ALDH3B1: variants seen among roughly 807,000 people sequenced by gnomAD.
The protein encoded by ALDH3B1 is aldehyde dehydrogenase family 3 member B1.
Under a neutral mutation model 46.2 loss-of-function variants are expected in ALDH3B1, and 37 were observed. That is an observed-to-expected ratio of 0.80 (90% CI 0.62 to 1.05). The LOEUF (loss-of-function observed/expected upper bound fraction) is 1.05. Ranked by LOEUF, ALDH3B1 falls within the 50% of genes least tolerant of loss-of-function variation. The pLI, the probability that ALDH3B1 is intolerant of heterozygous loss-of-function variation, is 0.00. For synonymous variants in ALDH3B1, 283 were observed against 281.0 expected (o/e 1.01, Z -0.07); for missense variants, 603 against 665.5 (o/e 0.91, Z 1.03).
chr11:68,023,843 A>G (rs1198180858), intron 8 of ALDH3B1, among the ~76,000 whole-genome samples: 1 of 151,818 alleles, frequency 6.6e-6, no homozygotes, highest in African/African-American at 2.4e-5. Context: ...TGAGTTTGAG[A>G]CCAGCGCTGG....
At chr11:68,021,426 G>A in intron 6 of ALDH3B1, 59 bp from the exon 7 acceptor site, 1 of 1,562,714 alleles carries the variant, frequency 6.4e-7, no homozygotes, top group Non-Finnish European at 8.7e-7. Flanking sequence ...GCCGTGGGCT[G>A]GGCCATCCCG....
At chr11:68,011,767 C>T (rs2134378061) in intron 1 of ALDH3B1, among the ~76,000 whole-genome samples, 1 of 152,304 alleles carries the variant, frequency 6.6e-6, no homozygotes, top group South Asian at 2.1e-4. Context: ...CAACACCCAC[C>T]TTGGATCAAG....
intron 2 of ALDH3B1, 138 bp from the exon 3 acceptor site, chr11:68,018,389 G>T: frequency 1.4e-6 from 1 of 738,432 alleles, no homozygotes. Context: ...AGCACGCACT[G>T]AACATGGAGT....
chr11:68,028,066 C>A lies in ALDH3B1; in HGVS notation c.*127C>A, dbSNP rs1373592783. On this transcript the variant is annotated 3_prime_UTR_variant, in exon 10 of 10. Transcript: ENST00000342456. The stretch of plus-strand genomic sequence containing the variant: ...CAAGGCTCCAGGGCACCCCTCAAAG[C>A]AGCGCCTGCCTCCTCCCTCCTGGGT... 1 of 1,225,160 alleles carries A rather than the reference C, an allele frequency of 8.2e-7. No homozygotes were observed. The highest frequency in any genetic ancestry group is 1.2e-6 in the Non-Finnish European group (1 of 840,236). The allele number at this position is 1,225,160 out of a possible 1,614,324, so 75.9% of individuals were successfully genotyped here.
At chr11:68,022,512 G>A (rs1857523823) in intron 7 of ALDH3B1, 83 bp from the exon 8 acceptor site, 1 of 1,514,436 alleles carries the variant, frequency 6.6e-7, no homozygotes, top group Non-Finnish European at 8.8e-7. Context: ...GCCCTGGCCT[G>A]TGGCCCTGTC....
In ALDH3B1 at chr11:68,018,878, G is replaced by C; in HGVS notation, c.379G>C (p.Gly127Arg). ...GAACCTGACGCTGGTGCCCCTCGTGGGAGCCCTCGCTGCAGGTGAGAGCTG... is the reference window on the plus strand; with the variant it reads ...GAACCTGACGCTGGTGCCCCTCGTGCGAGCCCTCGCTGCAGGTGAGAGCTG... ...PLNLTLVPLV[G>R]ALAAGNCVVL... Residue 127 changes from glycine to arginine, a missense_variant, in exon 4 of 10, where the codon GGA becomes CGA. Coordinates refer to ENST00000342456, the MANE Select transcript of ALDH3B1 (RefSeq NM_000694.4). 2 of 1,557,436 alleles carry C rather than the reference G, an allele frequency of 1.3e-6. No individual in the cohort carries two copies. Among genetic ancestry groups the C allele is most frequent in the South Asian group, 2.4e-5 (2 of 84,314 alleles).
rs907220593 is a variant in ALDH3B1 at position 68,029,249 on chromosome 11, A to G, written c.*1310A>G. ...GTCTCCTGTCTCTCTGGCTGATGTC[A>G]CCTGAATAAAGCCTTCTTCCCTGGC... On this transcript the variant is annotated 3_prime_UTR_variant, in exon 10 of 10. Coordinates refer to ENST00000342456, the MANE Select transcript of ALDH3B1 (RefSeq NM_000694.4). 1 of 152,084 alleles carries G rather than the reference A, an allele frequency of 6.6e-6. No homozygotes were observed. The highest frequency in any genetic ancestry group is 2.4e-5 in the African/African-American group (1 of 41,356). 9.4% of individuals were successfully genotyped at this position (152,084 alleles called of 1,614,324 possible). A position where few individuals can be genotyped will look rare whatever the true frequency, so the allele number is the denominator to read the frequency against.
intron 1 of ALDH3B1, among the ~76,000 whole-genome samples, chr11:68,012,392 G>A (rs1857252435): frequency 1.3e-5 from 2 of 152,150 alleles, no homozygotes; most frequent in South Asian, 4.1e-4. Context: ...TCCTGCCCTG[G>A]CCCCCAGGCC....
intron 1 of ALDH3B1, among the ~76,000 whole-genome samples, chr11:68,013,513 G>A (rs558545836): frequency 4.5e-4 from 68 of 152,336 alleles, no homozygotes; most frequent in Non-Finnish European, 7.8e-4. Flanking sequence ...AGGAGAGTGC[G>A]GAGTTGAGGG....
chr11:68,023,854 C>A (rs2076400111), intron 8 of ALDH3B1, among the ~76,000 whole-genome samples: 1 of 151,188 alleles, frequency 6.6e-6, no homozygotes, highest in African/African-American at 2.4e-5. Context: ...CCAGCGCTGG[C>A]AATATAGCAA....
At chr11:68,019,057 C>A in intron 4 of ALDH3B1, 113 bp from the exon 5 acceptor site, 2 of 1,459,196 alleles carry the variant, frequency 1.4e-6, no homozygotes, top group Non-Finnish European at 1.8e-6. Flanking sequence ...TGTTACCTCT[C>A]TGAACCAGGT....
At chr11:68,015,652 G>A (rs1209281278) in intron 2 of ALDH3B1, 193 bp downstream of exon 2, 2 of 776,736 alleles carry the variant, frequency 2.6e-6, no homozygotes, top group Admixed American at 4.0e-5. Context: ...ACTATTTGCT[G>A]AGCACCTACT....
chr11:68,012,747 G>T (rs970630005), intron 1 of ALDH3B1, among the ~76,000 whole-genome samples: 3 of 152,372 alleles, frequency 2.0e-5, no homozygotes, highest in Middle Eastern at 3.4e-3. Context: ...CCCCAGCCCA[G>T]TGTCCCTTCC....
At position 68,018,591 on chromosome 11, in the gene ALDH3B1, G is replaced by C. The variant is rs529954694; in HGVS notation, c.227G>C (p.Arg76Thr). The change falls in exon 3 of 10, where the codon AGG (arginine) becomes ACG (threonine). Residue 76 changes from arginine to threonine, a missense_variant. Transcript: ENST00000342456. ...CAGGGCGAGGTCACCCTGGCCCTCA[G>C]GAACCTCCGGGCCTGGATGAAGGAC... ...ISQGEVTLALRNLRAWMKDER... is the reference protein window; with the variant it reads ...ISQGEVTLALTNLRAWMKDER... 25 of 1,583,190 alleles carry C rather than the reference G, an allele frequency of 1.6e-5. No individual in the cohort carries two copies. The East Asian group carries it at 5.6e-4, about 35-fold the overall frequency.
At chr11:68,018,257 GCA>G (rs1192972533) in intron 2 of ALDH3B1, 7 of 489,316 alleles carry the variant, frequency 1.4e-5, no homozygotes, top group African/African-American at 1.4e-4. Context: ...GATTTCCCTA[GCA>G]CAGCCACGTC....
In ALDH3B1 at chr11:68,019,016, G is replaced by A. The variant is rs183695745; in HGVS notation, c.394+123G>A. 35 of 1,464,964 alleles carry A rather than the reference G, an allele frequency of 2.4e-5. No homozygotes were observed. In the Middle Eastern group the frequency reaches 6.0e-4, roughly 25 times the overall value. The allele number at this position is 1,464,964 out of a possible 1,614,324, so 90.7% of individuals were successfully genotyped here. ...GGCAAAGAGGACTGTCTGGTCCACC[G>A]TCCCCGGGCTGTGTGGCCCTGGGCC... On this transcript the variant is annotated intron_variant, in intron 4 of 9. Coordinates refer to ENST00000342456, the MANE Select transcript of ALDH3B1 (RefSeq NM_000694.4).
At chr11:68,019,297 G>A in intron 5 of ALDH3B1, 42 bp downstream of exon 5, 1 of 1,566,610 alleles carries the variant, frequency 6.4e-7, no homozygotes. Context: ...AACAGGCAAG[G>A]CTCAAGGGCT....
At chr11:68,012,776 C>T (rs374652262) in intron 1 of ALDH3B1, among the ~76,000 whole-genome samples, 1 of 152,084 alleles carries the variant, frequency 6.6e-6, no homozygotes, top group African/African-American at 2.4e-5. Flanking sequence ...CTTGGCTGCC[C>T]ATCCCCAGGG....
chr11:68,016,161 A>G (rs1340413028), intron 2 of ALDH3B1: 2 of 154,618 alleles, frequency 1.3e-5, no homozygotes, highest in Admixed American at 1.3e-4. Flanking sequence ...GGGGGCCAGG[A>G]TCAGGGTGCT....
Sources: allele counts gnomAD v4.1 joint callset (sites outside exome capture counted in the v4.1 genomes callset), GRCh38; gene constraint gnomAD v4.1.1; transcripts MANE v1.5; gene names NCBI Gene and HGNC (gene_info 2026-07-23, HGNC 2026-07-21).